Variants in LPIN1 observed in about 807,000 individuals in gnomAD.
LPIN1 encodes phosphatidate phosphatase LPIN1.
Under a neutral mutation model 107.5 loss-of-function variants are expected in LPIN1, and 71 were observed. That is an observed-to-expected ratio of 0.66 (90% confidence interval 0.55 to 0.80). The LOEUF is 0.80. Among genes scored for constraint, LPIN1 ranks in the 30% least tolerant of loss-of-function variants. The pLI is 0.00. For synonymous variants in LPIN1, 445 were observed against 452.6 expected, an observed-to-expected ratio of 0.98 and a Z score of 0.21; for missense variants, 1,043 against 1,160.6, an observed-to-expected ratio of 0.90 and a Z score of 1.47.
chr2:11,808,110 C>T (rs772357785), intron 17 of LPIN1, among the ~76,000 whole-genome samples: 52 of 152,184 alleles, frequency 3.4e-4, no homozygotes, highest in Non-Finnish European at 7.1e-4. Flanking sequence ...TGCCACAGTC[C>T]TCAGGCCACA....
At chr2:11,692,019 G>T (rs985896674) in intron 1 of LPIN1, among the ~76,000 whole-genome samples, 10 of 152,216 alleles carry the variant, frequency 6.6e-5, no homozygotes, top group Admixed American at 1.3e-4. Flanking sequence ...TTCCTTAGCA[G>T]AGTTGTTACT....
intron 13 of LPIN1, chr2:11,792,303 G>GGGAATTCAGTTTCTTA (rs1675900869): frequency 3.4e-6 from 1 of 294,416 alleles, no homozygotes; most frequent in East Asian, 7.1e-5. Flanking sequence ...GATTCAGCCT[G>GGGAATTCAGTTTCTTA]GGAATTCAGT....
intron 17 of LPIN1, 120 bp from the exon 18 acceptor site, chr2:11,814,968 G>T: frequency 1.1e-6 from 1 of 902,456 alleles, no homozygotes; most frequent in East Asian, 2.5e-5. Flanking sequence ...GTGGACTTTT[G>T]TATGTGGGGG....
At chr2:11,709,426 C>T (rs954907389) in intron 1 of LPIN1, among the ~76,000 whole-genome samples, 1 of 152,226 alleles carries the variant, frequency 6.6e-6, no homozygotes, top group Admixed American at 6.5e-5. Flanking sequence ...GCGACACCAG[C>T]GCTAAAGCCT....
At chr2:11,776,261 A>T in intron 6 of LPIN1, 68 bp downstream of exon 6, 5 of 1,001,050 alleles carry the variant, frequency 5.0e-6, no homozygotes, top group Non-Finnish European at 7.3e-6. Flanking sequence ...TCTTACTATA[A>T]GTCTATTTTA....
chr2:11,794,770 A>G (rs796107430), intron 13 of LPIN1, among the ~76,000 whole-genome samples: 1 of 152,204 alleles, frequency 6.6e-6, no homozygotes, highest in Non-Finnish European at 1.5e-5. Flanking sequence ...GTTCAGACAC[A>G]GTCTCCTTTA....
At chr2:11,777,152 T>C (rs6717910) in intron 6 of LPIN1, 41,396 of 152,164 alleles carry the variant, frequency 0.27, 6,350 homozygotes, top group Middle Eastern at 0.35. Context: ...GACGGAGCAC[T>C]TTGGAGTCAT....
At chr2:11,737,210 T>A (rs1665874344) in intron 1 of LPIN1, among the ~76,000 whole-genome samples, 1 of 152,188 alleles carries the variant, frequency 6.6e-6, no homozygotes, top group Admixed American at 6.5e-5. Flanking sequence ...GACCCCTTCC[T>A]TACACTTTAT....
At chr2:11,686,505 A>ACAC (rs368502718) in intron 1 of LPIN1, among the ~76,000 whole-genome samples, 65 of 152,238 alleles carry the variant, frequency 4.3e-4, no homozygotes, top group African/African-American at 1.5e-3. Flanking sequence ...AGGGTCTGGC[A>ACAC]CACCTGAGGC....
chr2:11,689,144 C>T (rs1169406792), intron 1 of LPIN1, among the ~76,000 whole-genome samples: 2 of 152,238 alleles, frequency 1.3e-5, no homozygotes, highest in African/African-American at 4.8e-5. Flanking sequence ...AGTGCTCTCT[C>T]TCCATGCCAG....
rs754961080 is a variant in LPIN1, at chr2:11,773,601, C to CTT, written c.597-9_597-8dup. 2.5e-5 allele frequency: 31 copies of CTT among 1,235,194 alleles called. No individual in the cohort carries two copies. Among genetic ancestry groups the CTT allele is most frequent in the South Asian group, 1.8e-4 (13 of 71,826 alleles). 76.5% of individuals were successfully genotyped at this position (1,235,194 alleles called of 1,614,324 possible). Reference sequence around the variant, plus strand: ...TCATTAAGAATTCTTTGACTTTAATCTTTTTTTTTTTCCTCCAGAACTCTT... The same window carrying CTT: ...TCATTAAGAATTCTTTGACTTTAATCTTTTTTTTTTTTTCCTCCAGAACTCTT... On this transcript the variant is annotated intron_variant, in intron 4 of 20. Transcript: ENST00000674199.
At position 11,821,331 on chromosome 2, in the gene LPIN1, A is replaced by C. The variant is rs1245319733; in HGVS notation, c.2621+817A>C. Among the ~76,000 whole-genome samples the C allele has an allele frequency of 2.0e-5, 3 of 152,188 alleles. 1 individual carries two copies. The South Asian group carries it at 6.2e-4, about 32-fold the overall frequency. On this transcript the variant is annotated intron_variant, in intron 20 of 20. Transcript: ENST00000674199. ...CAGGAGTTCGAGACCAGCCTGACCA[A>C]CATGGAGAAACCCCGTCTCTCCTAA...
chr2:11,804,171 T>C (rs965094774), intron 15 of LPIN1, among the ~76,000 whole-genome samples: 1 of 152,028 alleles, frequency 6.6e-6, no homozygotes, highest in East Asian at 1.9e-4. Flanking sequence ...TCCTGGGAAG[T>C]AGAACAACTC....
chr2:11,772,670 G>A (rs57779431), intron 4 of LPIN1, among the ~76,000 whole-genome samples: 2,784 of 152,216 alleles, frequency 0.018, 80 homozygotes, highest in African/African-American at 0.063. Flanking sequence ...GCTTTTAACA[G>A]TGTGGTGAAA....
At chr2:11,805,835 C>T (rs1040207833) in intron 17 of LPIN1, among the ~76,000 whole-genome samples, 6 of 152,212 alleles carry the variant, frequency 3.9e-5, no homozygotes, top group Non-Finnish European at 7.3e-5. Context: ...TCCAAATTCT[C>T]ATTGCTCTCG....
In LPIN1 at chr2:11,734,755, A is replaced by G. The variant is rs185331949; in HGVS notation, c.-71-6594A>G. On this transcript the variant is annotated intron_variant, in intron 1 of 21. Coordinates refer to the LPIN1 transcript ENST00000396097. ...TGGCCACAGGCTTATTTAGCTTTTC[A>G]AAAGATTTACAACATCTCAAAGGGA... Among the ~76,000 whole-genome samples the G allele has an allele frequency of 2.0e-5, 3 of 152,336 alleles. No individual in the cohort carries two copies. The East Asian group carries it at 5.8e-4, about 29-fold the overall frequency.
intron 1 of LPIN1, among the ~76,000 whole-genome samples, chr2:11,751,355 A>G (rs1667762875): frequency 6.6e-6 from 1 of 152,212 alleles, no homozygotes; most frequent in Non-Finnish European, 1.5e-5. Context: ...TGAGGTTACT[A>G]ATAATTGACA....
chr2:11,688,831 C>A (rs549985863), intron 1 of LPIN1, among the ~76,000 whole-genome samples: 13 of 152,308 alleles, frequency 8.5e-5, no homozygotes, highest in African/African-American at 3.1e-4. Context: ...TAGTCGGTTT[C>A]TTCACCTGAT....
At chr2:11,822,277 CAAAAAAAAAAA>C (rs751514674) in intron 20 of LPIN1, among the ~76,000 whole-genome samples, 10 of 78,880 alleles carry the variant, frequency 1.3e-4, no homozygotes, top group Non-Finnish European at 2.3e-4. Context: ...CTAGAAATGC[CAAAAAAAAAAA>C]AAAAAAAAAA....
Sources: gnomAD v4.1 joint callset for allele counts (sites outside exome capture counted in the v4.1 genomes callset) on GRCh38, gnomAD v4.1.1 for gene constraint, MANE v1.5 for transcripts, NCBI Gene and HGNC (gene_info 2026-07-23, HGNC 2026-07-21) for gene names.